The following SDE2 variants were observed in gnomAD, a reference collection of about 807,000 sequenced individuals.
SDE2 encodes the protein spliceosome associated SDE2, also known as splicing regulator SDE2.
In SDE2, 31 loss-of-function variants were observed where a neutral mutation model predicts 46.9. That is an observed-to-expected ratio of 0.66 (90% confidence interval 0.50 to 0.89). The LOEUF is 0.89. SDE2 is among the 40% of genes least tolerant of loss of function. The probability of loss-of-function intolerance (pLI) is 0.00; values close to 1 mark genes in which losing one functional copy is unlikely to be tolerated. For synonymous variants in SDE2, 205 were observed against 204.3 expected (o/e 1.00, Z -0.03); for missense variants, 542 against 564.4 (o/e 0.96, Z 0.40).
intron 5 of SDE2, 102 bp from the exon 6 acceptor site, chr1:225,988,490 G>A: frequency 8.4e-7 from 1 of 1,189,114 alleles, no homozygotes; most frequent in Non-Finnish European, 1.2e-6. Context: ...CAGGACTTTG[G>A]GAGGCCAAGG....
intron 2 of SDE2, among the ~76,000 whole-genome samples, chr1:225,994,535 C>T (rs1656477479): frequency 6.6e-6 from 1 of 152,206 alleles, no homozygotes; most frequent in African/African-American, 2.4e-5. Flanking sequence ...ATTGTTTTCG[C>T]TCTTTGTTAT....
Position 225,992,510 on chromosome 1 carries a change from C to G in SDE2, c.408G>C (p.Arg136=). Residue 136 remains arginine (R), a synonymous_variant, in exon 4 of 7, where the codon CGG becomes CGC. Transcript: ENST00000272091. ...AEREAEKEQK[R]LERLQRKLVE... ...CAAGCTTCCGCTGCAGTCGCTCCAG[C>G]CGCTTCTGCTCCTTTTCAGCCTCTC... is the stretch of plus-strand genomic sequence containing the variant. 6.2e-7 allele frequency: 1 copy of G among 1,612,610 alleles called. No homozygotes were observed. Among genetic ancestry groups the G allele is most frequent in the Non-Finnish European group, 8.5e-7 (1 of 1,179,638 alleles).
chr1:225,994,314 G>A (rs1488561954), intron 2 of SDE2, among the ~76,000 whole-genome samples: 1 of 151,974 alleles, frequency 6.6e-6, no homozygotes, highest in Non-Finnish European at 1.5e-5. Context: ...TGACCTAGGT[G>A]ATCCGCCCGC....
chr1:225,987,942 T>C lies in SDE2; in HGVS notation c.1088A>G (p.Glu363Gly), dbSNP rs753546756. Residue 363 changes from glutamate to glycine, a missense_variant, in exon 6 of 7, where the codon GAA (glutamate) becomes GGA (glycine). Physicochemically the swap from Glu to Gly is moderately conservative, Grantham distance 98. Transcript: ENST00000272091. ...CTGCAGTTTGGCAACGGCAACGTTT[T>C]CCCTTTCTTCAGGTGCTACCTCAGC... ...RVAEVAPEER[E>G]NVAVAKLQES... 7 of 1,612,998 alleles carry C rather than the reference T, an allele frequency of 4.3e-6. No homozygotes were observed. The African/African-American group carries it at 5.3e-5, about 12-fold the overall frequency.
chr1:225,989,157 C>T (rs896166282), intron 5 of SDE2, among the ~76,000 whole-genome samples: 1 of 150,630 alleles, frequency 6.6e-6, no homozygotes, highest in Non-Finnish European at 1.5e-5. Context: ...ATTAGCCAGG[C>T]CTGGTGGCAG....
intron 5 of SDE2, among the ~76,000 whole-genome samples, chr1:225,989,628 C>CA (rs564387010): frequency 0.022 from 1,695 of 75,932 alleles, 48 homozygotes; most frequent in East Asian, 0.16. Context: ...GATTCTGTCT[C>CA]AAAAAAAAAA....
rs924045958 is a variant in SDE2 at position 225,982,941 on chromosome 1, A to G, written c.*2361T>C. 1 of 152,184 alleles carries G rather than the reference A, an allele frequency of 6.6e-6. No individual in the cohort carries two copies. Among genetic ancestry groups the G allele is most frequent in the Non-Finnish European group, 1.5e-5 (1 of 68,014 alleles). The allele number at this position is 152,184 out of a possible 1,614,324, so 9.4% of individuals were successfully genotyped here. A position where few individuals can be genotyped will look rare whatever the true frequency, so the allele number is the denominator to read the frequency against. On this transcript the variant is annotated 3_prime_UTR_variant, in exon 7 of 7. Coordinates refer to ENST00000272091, the MANE Select transcript of SDE2 (RefSeq NM_152608.4). ...CTCTAGGTAGACTGAAAAATTAAGA[A>G]TGTATATTGTAATCACTAGAACATC...
At position 225,999,237 on chromosome 1, in the gene SDE2, G is replaced by A; in HGVS notation, c.76C>T (p.Arg26Trp). 1 of 1,613,192 alleles carries A rather than the reference G, an allele frequency of 6.2e-7. No homozygotes were observed. Among genetic ancestry groups the A allele is most frequent in the Non-Finnish European group, 8.5e-7 (1 of 1,179,666 alleles). The stretch of plus-strand genomic sequence containing the variant: ...TGGATAAAATCCCGGACGGTGCACC[G>A]ACCCGAGGCACACCGCACCGCCTTG... ...GCKAVRCASG[R>W]CTVRDFIHRH... The change falls in exon 1 of 7, where the codon CGG becomes TGG. Residue 26 changes from arginine (R) to tryptophan (W), a missense_variant. Transcript: ENST00000272091.
chr1:225,992,708 A>G (rs1656429747), intron 3 of SDE2, 141 bp from the exon 4 acceptor site: 9 of 674,320 alleles, frequency 1.3e-5, no homozygotes, highest in Admixed American at 2.7e-5. Flanking sequence ...TACTACTAGC[A>G]TATGGTACTG....
chr1:225,988,148 T>C lies in SDE2; in HGVS notation c.882A>G (p.Leu294=). The C allele has an allele frequency of 6.2e-7, 1 of 1,614,194 alleles. No homozygotes were observed. The highest frequency in any genetic ancestry group is 8.5e-7 in the Non-Finnish European group (1 of 1,180,040). Residue 294 remains leucine (L), a synonymous_variant, in exon 6 of 7, where the codon TTA becomes TTG. Transcript: ENST00000272091. ...CCCCCAGCTCAGCACATGAGTCTTC[T>C]AAAATATGCCTCCCAGAGTCAGTCA... The part of the protein sequence containing the change: ...IPVTDSGRHI[L]EDSCAELGES...
Position 225,985,227 on chromosome 1 carries a change from C to T in SDE2, c.*75G>A, listed in dbSNP as rs981301037. 2.5e-5 allele frequency: 29 copies of T among 1,144,432 alleles called. No individual in the cohort carries two copies. The highest frequency in any genetic ancestry group is 4.6e-5 in the African/African-American group (3 of 65,520). The allele number at this position is 1,144,432 out of a possible 1,614,324, so 70.9% of individuals were successfully genotyped here. A position where few individuals can be genotyped will look rare whatever the true frequency, so the allele number is the denominator to read the frequency against. ...TTAGCTTTTAATATCAACAGGAATA[C>T]TGGTCAAGAGTCCACATTATGCAGG... On this transcript the variant is annotated 3_prime_UTR_variant, in exon 7 of 7. Transcript: ENST00000272091.
At chr1:225,985,904 G>A (rs1214603359) in intron 6 of SDE2, among the ~76,000 whole-genome samples, 1 of 152,168 alleles carries the variant, frequency 6.6e-6, no homozygotes, top group Non-Finnish European at 1.5e-5. Context: ...CCATGCCTCT[G>A]AATCTACTAA....
Position 225,995,262 on chromosome 1 carries a change from C to A in SDE2, c.238+4G>T. 1 of 1,471,928 alleles carries A rather than the reference C, an allele frequency of 6.8e-7. No homozygotes were observed. The highest frequency in any genetic ancestry group is 9.5e-7 in the Non-Finnish European group (1 of 1,052,446). The allele number at this position is 1,471,928 out of a possible 1,614,324, so 91.2% of individuals were successfully genotyped here. On this transcript the variant is annotated splice_donor_region_variant and intron_variant, in intron 2 of 6. Coordinates refer to ENST00000272091, the MANE Select transcript of SDE2 (RefSeq NM_152608.4). ...CAACTAAGTAGTCAATGTTCAGGTC[C>A]TACCTCCTTTTCCACCGCAAAGTCT...
chr1:225,991,086 T>C (rs1187734865), intron 5 of SDE2, among the ~76,000 whole-genome samples, 157 bp downstream of exon 5: 2 of 152,216 alleles, frequency 1.3e-5, no homozygotes, highest in Non-Finnish European at 2.9e-5. Context: ...ACCAGTACAA[T>C]GTGACAATCA....
chr1:225,985,477 G>A lies in SDE2; in HGVS notation c.1181C>T (p.Ala394Val). 1 of 1,613,904 alleles carries A rather than the reference G, an allele frequency of 6.2e-7. No homozygotes were observed. ...TIDLLAFTSV[A>V]ELELLGLEKL... ...CTCCAAACCCAGCAACTCCAGTTCT[G>A]CAACAGAGGTGAACGCCAATAAATC... The change falls in exon 7 of 7, where the codon GCA (alanine) becomes GTA (valine). Residue 394 changes from alanine (A) to valine (V), a missense_variant. By Grantham distance (64) the Ala-to-Val change is moderately conservative. Coordinates refer to ENST00000272091, the MANE Select transcript of SDE2 (RefSeq NM_152608.4).
At position 225,985,304 on chromosome 1, in the gene SDE2, A is replaced by AT; in HGVS notation, c.1353dup (p.Ter452MetfsTer25). The AT allele has an allele frequency of 1.2e-6, 2 of 1,612,540 alleles. No individual in the cohort carries two copies. Among genetic ancestry groups the AT allele is most frequent in the Non-Finnish European group, 1.7e-6 (2 of 1,178,516 alleles). On this transcript the variant is annotated frameshift_variant, in exon 7 of 7. Transcript: ENST00000272091. LOFTEE classifies it high-confidence loss of function. ...ATAGGAATCAGCTCTGATGATACTC[A>AT]TTTTTTCTTCCCTTTCAAAGGCTTG...
At chr1:225,998,683 G>T (rs1291275405) in intron 1 of SDE2, among the ~76,000 whole-genome samples, 1 of 152,174 alleles carries the variant, frequency 6.6e-6, no homozygotes, top group Admixed American at 6.5e-5. Context: ...GCCCTCAACA[G>T]GACACACGTG....
At chr1:225,992,757 G>T in intron 3 of SDE2, 134 bp downstream of exon 3, 1 of 685,478 alleles carries the variant, frequency 1.5e-6, no homozygotes, top group South Asian at 1.9e-5. Flanking sequence ...TATGGAAAAG[G>T]TTAAATCTGA....
At position 225,983,555 on chromosome 1, in the gene SDE2, T is replaced by G. The variant is rs772538900; in HGVS notation, c.*1747A>C. 4 of 152,182 alleles carry G rather than the reference T, an allele frequency of 2.6e-5. No homozygotes were observed. Among genetic ancestry groups the G allele is most frequent in the Non-Finnish European group, 4.4e-5 (3 of 68,034 alleles). 9.4% of individuals were successfully genotyped at this position (152,182 alleles called of 1,614,324 possible). On this transcript the variant is annotated 3_prime_UTR_variant, in exon 7 of 7. Transcript: ENST00000272091. ...ACCCAACAATTCAAATTACATATTG[T>G]TTTTCTTAGAGACATGGTCTCACTA... is the stretch of plus-strand genomic sequence containing the variant.
Sources: allele counts gnomAD v4.1 joint callset (sites outside exome capture counted in the v4.1 genomes callset), GRCh38; gene constraint gnomAD v4.1.1; transcripts MANE v1.5; gene names NCBI Gene and HGNC (gene_info 2026-07-23, HGNC 2026-07-21).